SLCO3A1: variants seen among roughly 807,000 people sequenced by gnomAD.
The protein encoded by SLCO3A1 is PGE1 transporter.
SLCO3A1 carries 27 observed loss-of-function variants against 63.1 expected under a neutral mutation model. The observed-to-expected ratio is 0.43, with a 90% confidence interval of 0.32 to 0.59. The LOEUF (loss-of-function observed/expected upper bound fraction) is 0.59. Ranked by LOEUF, SLCO3A1 falls within the 20% of genes least tolerant of loss-of-function variation. SLCO3A1 has a pLI of 0.09. For missense variants in SLCO3A1, 773 were observed against 945.8 expected (o/e 0.82, Z 2.40); for synonymous variants, 473 against 409.9 (o/e 1.15, Z -1.86).
intron 2 of SLCO3A1, among the ~76,000 whole-genome samples, chr15:91,933,658 G>C (rs573787075): frequency 6.6e-6 from 1 of 152,328 alleles, no homozygotes; most frequent in East Asian, 1.9e-4. Flanking sequence ...GCTACACACT[G>C]TTTTCAGTGC....
chr15:92,135,926 A>T (rs150645245), intron 7 of SLCO3A1, among the ~76,000 whole-genome samples: 1 of 152,290 alleles, frequency 6.6e-6, no homozygotes, highest in Non-Finnish European at 1.5e-5. Flanking sequence ...CCATCTACTC[A>T]GGAGCTGAGG....
intron 2 of SLCO3A1, among the ~76,000 whole-genome samples, chr15:91,931,847 A>G (rs968135288): frequency 6.6e-6 from 1 of 151,606 alleles, no homozygotes; most frequent in Non-Finnish European, 1.5e-5. Context: ...ATGAAGGGAA[A>G]AAACAGAGAT....
intron 2 of SLCO3A1, among the ~76,000 whole-genome samples, chr15:92,092,192 G>A (rs913414755): frequency 6.6e-6 from 1 of 152,134 alleles, no homozygotes; most frequent in African/African-American, 2.4e-5. Flanking sequence ...GCACAGTCTC[G>A]ATGCAACCCC....
At chr15:92,071,484 T>G (rs1182289940) in intron 2 of SLCO3A1, among the ~76,000 whole-genome samples, 2 of 152,194 alleles carry the variant, frequency 1.3e-5, no homozygotes, top group Non-Finnish European at 2.9e-5. Flanking sequence ...TTAAAAAATA[T>G]ATGTTCAGGG....
In SLCO3A1 at chr15:91,853,965, G is replaced by A. The variant is rs1896844211; in HGVS notation, c.57G>A (p.Gln19=). Residue 19 remains glutamine (Q), a synonymous_variant, in exon 1 of 10, where the codon CAG becomes CAA. Coordinates refer to ENST00000318445, the MANE Select transcript of SLCO3A1 (RefSeq NM_013272.4). Reference sequence around the variant, plus strand: ...GCGGCGGCCGGAGCGGCGAGCTGCAGGGGGACGAGGCGCAGAGGAACAAGA... The same window carrying A: ...GCGGCGGCCGGAGCGGCGAGCTGCAAGGGGACGAGGCGCAGAGGAACAAGA... ...SSGGGRSGEL[Q]GDEAQRNKKK... is the part of the protein sequence containing the mutation. 2.0e-6 allele frequency: 3 copies of A among 1,499,656 alleles called. No homozygotes were observed. The highest frequency in any genetic ancestry group is 2.7e-6 in the Non-Finnish European group (3 of 1,121,316). 92.9% of individuals were successfully genotyped at this position (1,499,656 alleles called of 1,614,324 possible).
chr15:91,947,161 G>A (rs1385561161), intron 2 of SLCO3A1, among the ~76,000 whole-genome samples: 3 of 152,184 alleles, frequency 2.0e-5, no homozygotes, highest in Non-Finnish European at 4.4e-5. Flanking sequence ...AGGAAGCTTC[G>A]CTCTTTGAAA....
intron 2 of SLCO3A1, among the ~76,000 whole-genome samples, chr15:92,085,366 G>A (rs560132386): frequency 4.6e-5 from 7 of 152,330 alleles, no homozygotes; most frequent in African/African-American, 1.2e-4. Flanking sequence ...CTATTTGCAC[G>A]TGAGCTAACT....
chr15:92,156,926 G>A (rs2048378218), intron 9 of SLCO3A1, among the ~76,000 whole-genome samples: 1 of 151,978 alleles, frequency 6.6e-6, no homozygotes, highest in African/African-American at 2.4e-5. Context: ...AATATAAATA[G>A]GCCCAGCCAT....
rs1293009221 is a variant in SLCO3A1 at position 91,948,965 on chromosome 15, T to C, written c.646+32507T>C. Reference sequence around the variant, plus strand: ...ACTATTATTTCTGCTTACCTCACCTTTTGGGGGAATCATTCCCTCCATTTT... The same window carrying C: ...ACTATTATTTCTGCTTACCTCACCTCTTGGGGGAATCATTCCCTCCATTTT... On this transcript the variant is annotated intron_variant, in intron 2 of 9. Transcript: ENST00000318445. The surrounding 1 kb of genome is among the most constrained non-coding windows in gnomAD (Gnocchi z 4.8). Among the ~76,000 whole-genome samples the C allele has an allele frequency of 6.6e-6, 1 of 152,182 alleles. No individual in the cohort carries two copies. Among genetic ancestry groups the C allele is most frequent in the Admixed American group, 6.5e-5 (1 of 15,270 alleles).
rs112806176 is a variant in SLCO3A1 at position 91,940,335 on chromosome 15, C to T, written c.646+23877C>T. ...TTTGCCAAGCCTGAGTCTGTGCCAGCACCTTGCTGAGCACTTCACAGCCCG... is the reference window on the plus strand; with the variant it reads ...TTTGCCAAGCCTGAGTCTGTGCCAGTACCTTGCTGAGCACTTCACAGCCCG... On this transcript the variant is annotated intron_variant, in intron 2 of 9. Coordinates refer to ENST00000318445, the MANE Select transcript of SLCO3A1 (RefSeq NM_013272.4). 6.5e-3 allele frequency among the ~76,000 whole-genome samples: 991 copies of T among 152,270 alleles called. 18 individuals are homozygous for T. The highest frequency in any genetic ancestry group is 0.023 in the African/African-American group (947 of 41,544).
At position 91,916,430 on chromosome 15, in the gene SLCO3A1, G is replaced by A. The variant is rs1898662606; in HGVS notation, c.618G>A (p.Val206=). The A allele has an allele frequency of 6.2e-7, 1 of 1,612,096 alleles. No homozygotes were observed. The highest frequency in any genetic ancestry group is 8.5e-7 in the Non-Finnish European group (1 of 1,179,450). The stretch of plus-strand genomic sequence containing the variant: ...GCGTCTCCTACATCGACGACCACGT[G>A]CGGAGGAAGGACTCCTCGCTCTATA... ...PLGVSYIDDH[V]RRKDSSLYIG... Residue 206 remains valine (V), a synonymous_variant, in exon 2 of 10, where the codon GTG becomes GTA. Coordinates refer to ENST00000318445, the MANE Select transcript of SLCO3A1 (RefSeq NM_013272.4). The surrounding 1 kb of genome is among the most constrained non-coding windows in gnomAD (Gnocchi z 6.2).
chr15:92,053,794 G>A (rs775360485), intron 2 of SLCO3A1, among the ~76,000 whole-genome samples: 2 of 151,624 alleles, frequency 1.3e-5, no homozygotes, highest in African/African-American at 4.9e-5. Context: ...ATCATATCAA[G>A]GGCACATACA....
At chr15:91,947,795 G>A (rs895336612) in intron 2 of SLCO3A1, among the ~76,000 whole-genome samples, 20 of 152,256 alleles carry the variant, frequency 1.3e-4, no homozygotes, top group East Asian at 9.7e-4. Context: ...TGCTTTCCTC[G>A]TTAGTACCCC....
chr15:92,080,154 G>A (rs985135910), intron 2 of SLCO3A1, among the ~76,000 whole-genome samples: 4 of 152,162 alleles, frequency 2.6e-5, no homozygotes, highest in African/African-American at 4.8e-5. Context: ...GATCCTCCCC[G>A]AGCATCCTGA....
intron 2 of SLCO3A1, among the ~76,000 whole-genome samples, chr15:91,926,157 T>C (rs986765565): frequency 2.6e-5 from 4 of 152,244 alleles, no homozygotes; most frequent in Admixed American, 1.3e-4. Flanking sequence ...AGGGGCTAGC[T>C]TGAAAGCGTT....
intron 1 of SLCO3A1, among the ~76,000 whole-genome samples, chr15:91,864,195 G>A (rs1897111715): frequency 6.6e-6 from 1 of 152,214 alleles, no homozygotes; most frequent in Non-Finnish European, 1.5e-5. Flanking sequence ...GTGGCCCAGG[G>A]TGGGCCTGTT....
chr15:92,030,897 A>G (rs1422982924), intron 2 of SLCO3A1, among the ~76,000 whole-genome samples: 1 of 152,152 alleles, frequency 6.6e-6, no homozygotes, highest in Non-Finnish European at 1.5e-5. Flanking sequence ...GATTACTTTA[A>G]AAACAGATGC....
At chr15:92,166,220 G>A (rs975820133), downstream of SLCO3A1, among the ~76,000 whole-genome samples, 2 of 152,184 alleles carry the variant, frequency 1.3e-5, no homozygotes, top group African/African-American at 4.8e-5. Flanking sequence ...CAGGGCTCCA[G>A]AAGGCCACAG....
intron 8 of SLCO3A1, among the ~76,000 whole-genome samples, chr15:92,150,724 A>G (rs931316252): frequency 6.6e-6 from 1 of 152,188 alleles, no homozygotes; most frequent in East Asian, 1.9e-4. Context: ...GTTATTAAAA[A>G]ACACTGTTAA....
Sources: allele counts gnomAD v4.1 joint callset (sites outside exome capture counted in the v4.1 genomes callset), GRCh38; gene constraint gnomAD v4.1.1; non-coding constraint Gnocchi (gnomAD v3.1); transcripts MANE v1.5; gene names NCBI Gene and HGNC (gene_info 2026-07-23, HGNC 2026-07-21).